PLA2G4A: variants seen among roughly 807,000 people sequenced by gnomAD.
PLA2G4A encodes cytosolic phospholipase A2.
Under a neutral mutation model 81.9 loss-of-function variants are expected in PLA2G4A, and 40 were observed. The observed-to-expected ratio is 0.49, with a 90% CI of 0.38 to 0.64. The LOEUF is 0.64. PLA2G4A is among the 30% of genes least tolerant of loss of function. The probability of loss-of-function intolerance (pLI) is 0.00; values close to 1 mark genes in which losing one functional copy is unlikely to be tolerated. For missense variants in PLA2G4A, 715 were observed against 905.1 expected (o/e 0.79, Z 2.69); for synonymous variants, 302 against 296.9 (o/e 1.02, Z -0.18).
chr1:186,913,789 T>C (rs2102161506), intron 7 of PLA2G4A, among the ~76,000 whole-genome samples: 1 of 152,330 alleles, frequency 6.6e-6, no homozygotes, highest in Middle Eastern at 3.4e-3. Flanking sequence ...AATTTGAGAT[T>C]ATTGCAAATT....
intron 7 of PLA2G4A, among the ~76,000 whole-genome samples, 167 bp from the exon 8 acceptor site, chr1:186,932,596 C>G (rs1013754234): frequency 7.5e-6 from 1 of 133,490 alleles, no homozygotes; most frequent in East Asian, 2.3e-4. Context: ...CCACTGCACC[C>G]GGCCTTATTT....
chr1:186,836,856 C>A (rs1288238997), intron 1 of PLA2G4A, among the ~76,000 whole-genome samples: 1 of 152,058 alleles, frequency 6.6e-6, no homozygotes, highest in African/African-American at 2.4e-5. Flanking sequence ...TAAAAGAAAG[C>A]AAATGGGCTT....
chr1:186,862,439 T>G (rs1345707461), intron 2 of PLA2G4A, among the ~76,000 whole-genome samples: 1 of 152,110 alleles, frequency 6.6e-6, no homozygotes, highest in Admixed American at 6.6e-5. Flanking sequence ...CTGAAACTCC[T>G]GACCTTAAGT....
chr1:186,882,742 C>A (rs1051967885), intron 3 of PLA2G4A, among the ~76,000 whole-genome samples: 6 of 152,014 alleles, frequency 3.9e-5, no homozygotes, highest in African/African-American at 1.4e-4. Flanking sequence ...GAATAAGCAA[C>A]TAAGAGATTA....
intron 1 of PLA2G4A, 64 bp from the exon 2 acceptor site, chr1:186,854,222 A>G (rs1248141755): frequency 3.0e-6 from 2 of 665,144 alleles, no homozygotes; most frequent in Middle Eastern, 3.5e-4. Flanking sequence ...CATACTCATA[A>G]TTGTTTAAAT....
intron 7 of PLA2G4A, among the ~76,000 whole-genome samples, chr1:186,912,641 G>A (rs1417927335): frequency 1.3e-5 from 2 of 149,434 alleles, no homozygotes; most frequent in Non-Finnish European, 3.0e-5. Context: ...GGTTTGGATA[G>A]CACATTTCAT....
chr1:186,834,623 G>A (rs371011566), intron 1 of PLA2G4A, among the ~76,000 whole-genome samples: 2 of 152,146 alleles, frequency 1.3e-5, no homozygotes, highest in East Asian at 3.9e-4. Context: ...CGTAATAGGG[G>A]AGGTTGTGCA....
chr1:186,900,732 A>G (rs1654507232), intron 5 of PLA2G4A, among the ~76,000 whole-genome samples: 1 of 152,216 alleles, frequency 6.6e-6, no homozygotes, highest in Non-Finnish European at 1.5e-5. Context: ...GAAGCAACAC[A>G]GATAAGATTA....
At chr1:186,859,517 T>C (rs1652719425) in intron 2 of PLA2G4A, among the ~76,000 whole-genome samples, 1 of 152,164 alleles carries the variant, frequency 6.6e-6, no homozygotes, top group Non-Finnish European at 1.5e-5. Flanking sequence ...TTCTGCCACC[T>C]ATTAACAATG....
chr1:186,944,377 G>A (rs532534387), intron 10 of PLA2G4A, among the ~76,000 whole-genome samples: 1 of 152,214 alleles, frequency 6.6e-6, no homozygotes, highest in African/African-American at 2.4e-5. Context: ...CCAGGCCATG[G>A]CGCTAATCAA....
intron 5 of PLA2G4A, among the ~76,000 whole-genome samples, chr1:186,901,422 C>T (rs1408398170): frequency 6.6e-6 from 1 of 152,112 alleles, no homozygotes; most frequent in African/African-American, 2.4e-5. Context: ...ACGTGACTAG[C>T]TTATTTACCA....
intron 7 of PLA2G4A, among the ~76,000 whole-genome samples, chr1:186,911,673 A>G (rs1297228825): frequency 6.6e-6 from 1 of 152,190 alleles, no homozygotes; most frequent in Non-Finnish European, 1.5e-5. Flanking sequence ...AAGCACAGAG[A>G]GTTCCAATAT....
At chr1:186,928,164 A>G (rs1425592204) in intron 7 of PLA2G4A, among the ~76,000 whole-genome samples, 4 of 152,282 alleles carry the variant, frequency 2.6e-5, no homozygotes, top group East Asian at 3.9e-4. Context: ...TCTAGAGAGC[A>G]GGTTAGATAT....
intron 7 of PLA2G4A, among the ~76,000 whole-genome samples, chr1:186,916,067 C>T (rs1231213226): frequency 1.3e-5 from 2 of 152,136 alleles, no homozygotes; most frequent in African/African-American, 4.8e-5. Context: ...ACACACTCGG[C>T]TAGTTGCAAA....
rs577447564 is a variant in PLA2G4A at position 186,859,059 on chromosome 1, A to G, written c.33+4672A>G. 2.0e-5 allele frequency among the ~76,000 whole-genome samples: 3 copies of G among 152,276 alleles called. No homozygotes were observed. The South Asian group carries it at 6.2e-4, about 32-fold the overall frequency. On this transcript the variant is annotated intron_variant, in intron 2 of 17. Transcript: ENST00000367466. Reference sequence around the variant, plus strand: ...ATTAGTGAAAGGGAAAGTTGAGTGAATCAAGCCAGCTTACTATTAATAGTA... The same window carrying G: ...ATTAGTGAAAGGGAAAGTTGAGTGAGTCAAGCCAGCTTACTATTAATAGTA...
In PLA2G4A at chr1:186,979,343, A is replaced by G. The variant is rs541719025; in HGVS notation, c.1989A>G (p.Lys663=). The G allele has an allele frequency of 1.6e-3, 2,527 of 1,612,582 alleles. 53 individuals carry two copies. In the South Asian group the frequency reaches 0.027, roughly 17 times the overall value. ...PGVPRETEEE[K]EIADFDIFDD... ...TTCCAAGGGAAACTGAGGAAGAGAA[A>G]GAAATCGCTGACTTTGATATTTTTG... The change falls in exon 17 of 18, where the codon AAA becomes AAG. Residue 663 remains lysine (K), a synonymous_variant. Transcript: ENST00000367466.
chr1:186,830,498 C>T (rs1164203117), intron 1 of PLA2G4A, among the ~76,000 whole-genome samples: 3 of 148,388 alleles, frequency 2.0e-5, no homozygotes, highest in African/African-American at 5.0e-5. Context: ...ATCCCAGCTA[C>T]TTGGGAGGCT....
At chr1:186,926,647 C>T (rs1655558002) in intron 7 of PLA2G4A, among the ~76,000 whole-genome samples, 1 of 152,176 alleles carries the variant, frequency 6.6e-6, no homozygotes, top group African/African-American at 2.4e-5. Context: ...CAGTCCTATT[C>T]ATCTCAATAC....
intron 8 of PLA2G4A, among the ~76,000 whole-genome samples, chr1:186,938,660 A>T (rs1656039320): frequency 6.6e-6 from 1 of 152,158 alleles, no homozygotes; most frequent in African/African-American, 2.4e-5. Flanking sequence ...CAATTCATTT[A>T]CATGACTCAG....
Sources: allele counts gnomAD v4.1 joint callset (sites outside exome capture counted in the v4.1 genomes callset), GRCh38; gene constraint gnomAD v4.1.1; transcripts MANE v1.5; gene names NCBI Gene and HGNC (gene_info 2026-07-23, HGNC 2026-07-21).